Variants in UGT1A5 observed in about 807,000 individuals in gnomAD.
The protein encoded by UGT1A5 is UDP-glucuronosyltransferase 1A5.
Under a neutral mutation model 40.3 loss-of-function variants are expected in UGT1A5, and 29 were observed. That is an observed-to-expected ratio of 0.72 (90% CI 0.54 to 0.98). UGT1A5 has a LOEUF of 0.98. Among genes scored for constraint, UGT1A5 ranks in the 50% least tolerant of loss-of-function variants. The probability of loss-of-function intolerance (pLI) is 0.00; values close to 1 mark genes in which losing one functional copy is unlikely to be tolerated. For synonymous variants in UGT1A5, 257 were observed against 262.5 expected (o/e 0.98, Z 0.20); for missense variants, 678 against 677.9 (o/e 1.00, Z 0.00).
intron 1 of UGT1A5, among the ~76,000 whole-genome samples, chr2:233,744,958 A>C (rs996624362): frequency 2.6e-5 from 4 of 151,980 alleles, no homozygotes; most frequent in African/African-American, 4.9e-5. Context: ...ATAACCTACC[A>C]ATATCCTTCT....
At chr2:233,742,994 G>A in intron 1 of UGT1A5, 1 of 234,262 alleles carries the variant, frequency 4.3e-6, no homozygotes, top group South Asian at 6.0e-5. Flanking sequence ...ATAGCAAATT[G>A]CATACAGATA....
intron 1 of UGT1A5, among the ~76,000 whole-genome samples, chr2:233,724,625 A>C: frequency 7.3e-6 from 1 of 136,298 alleles, no homozygotes; most frequent in Non-Finnish European, 1.6e-5. Flanking sequence ...GACGCTCCTC[A>C]CTTCCTAGAT....
At position 233,713,557 on chromosome 2, in the gene UGT1A5, A is replaced by G. The variant is rs1233820517; in HGVS notation, c.566A>G (p.Asn189Ser). 4 of 1,613,816 alleles carry G rather than the reference A, an allele frequency of 2.5e-6. No individual in the cohort carries two copies. The highest frequency in any genetic ancestry group is 2.2e-5 in the East Asian group (1 of 44,890). ...DLDFKGTQCP[N>S]PSSYIPRLLT... ...GACTTTAAGGGCACACAGTGTCCAA[A>G]CCCTTCCTCCTATATTCCTAGATTA... Residue 189 changes from asparagine to serine, a missense_variant, in exon 1 of 5, where the codon AAC (asparagine) becomes AGC (serine). Transcript: ENST00000373414.
At chr2:233,748,812 T>C (rs1268165995) in intron 1 of UGT1A5, among the ~76,000 whole-genome samples, 2 of 151,274 alleles carry the variant, frequency 1.3e-5, no homozygotes. Context: ...CAAGAAATTG[T>C]GGAAGGGTCT....
At chr2:233,754,243 C>T (rs1695428431) in intron 1 of UGT1A5, 1 of 170,446 alleles carries the variant, frequency 5.9e-6, no homozygotes. Flanking sequence ...CTCACACTTT[C>T]CCAACGGAAA....
At chr2:233,772,069 T>A (rs2126064958) in intron 4 of UGT1A5, among the ~76,000 whole-genome samples, 193 bp from the exon 5 acceptor site, 1 of 152,274 alleles carries the variant, frequency 6.6e-6, no homozygotes, top group East Asian at 1.9e-4. Context: ...GCCATGCTTG[T>A]GCCACTACAC....
At chr2:233,760,294 G>A (rs1697387669) in intron 1 of UGT1A5, 1 of 1,613,420 alleles carries the variant, frequency 6.2e-7, no homozygotes, top group East Asian at 2.2e-5. Context: ...CGCCATGGCT[G>A]TGGAGTCCCA....
chr2:233,732,919 A>G (rs1421681108), intron 1 of UGT1A5, among the ~76,000 whole-genome samples: 1 of 151,874 alleles, frequency 6.6e-6, no homozygotes, highest in Non-Finnish European at 1.5e-5. Flanking sequence ...CATTTTCACG[A>G]TATTGATTCT....
chr2:233,727,417 C>T (rs2077614364), intron 1 of UGT1A5, among the ~76,000 whole-genome samples: 1 of 152,144 alleles, frequency 6.6e-6, no homozygotes, highest in Non-Finnish European at 1.5e-5. Flanking sequence ...TCCTCAGGGT[C>T]TGGGAGTCCC....
chr2:233,729,641 T>C (rs2077899258), intron 1 of UGT1A5: 1 of 1,613,944 alleles, frequency 6.2e-7, no homozygotes, highest in Non-Finnish European at 8.5e-7. Flanking sequence ...ACTGTGTTTT[T>C]TTTGAGGAAC....
Position 233,769,434 on chromosome 2 carries a change from T to C in UGT1A5, c.1307+995T>C, listed in dbSNP as rs999407687. 1.3e-5 allele frequency: 20 copies of C among 1,542,190 alleles called. No homozygotes were observed. Among genetic ancestry groups the C allele is most frequent in the Non-Finnish European group, 1.7e-5 (19 of 1,120,764 alleles). On this transcript the variant is annotated intron_variant, in intron 4 of 4. Coordinates refer to ENST00000373414, the MANE Select transcript of UGT1A5 (RefSeq NM_019078.2). This position sits in a 1 kb window ranked among gnomAD's most constrained non-coding sequence, Gnocchi z 4.4. ...GCGTTTGTGCATGTGGCTGTGCTCA[T>C]GTGTGGGTGCACACGTGTGCATTCA...
chr2:233,718,782 C>A (rs199517966), intron 1 of UGT1A5: 2 of 1,612,936 alleles, frequency 1.2e-6, no homozygotes, highest in East Asian at 2.2e-5. Flanking sequence ...GCAGGCACAG[C>A]GTGGGGTGGA....
intron 1 of UGT1A5, chr2:233,729,825 C>T (rs770263678): frequency 5.6e-6 from 9 of 1,613,784 alleles, no homozygotes; most frequent in African/African-American, 2.7e-5. Context: ...CTTATGCAAG[C>T]CTTGCCTCTG....
At chr2:233,721,562 G>T in intron 1 of UGT1A5, 1 of 161,272 alleles carries the variant, frequency 6.2e-6, no homozygotes, top group Non-Finnish European at 1.4e-5. Flanking sequence ...GTTTCTTCTG[G>T]GATATCTTTT....
intron 1 of UGT1A5, among the ~76,000 whole-genome samples, chr2:233,757,812 T>C (rs772268398): frequency 4.0e-5 from 6 of 151,794 alleles, no homozygotes; most frequent in Non-Finnish European, 8.8e-5. Flanking sequence ...TGAAAGGAGC[T>C]GGTAGTGTGT....
Position 233,747,455 on chromosome 2 carries a change from C to T in UGT1A5, c.868-19579C>T, listed in dbSNP as rs545965821. Reference sequence around the variant, plus strand: ...AATTTTTCACCCTGACAACCTATGCCATTTCATGGACCCAGGATGAATTTG... The same window carrying T: ...AATTTTTCACCCTGACAACCTATGCTATTTCATGGACCCAGGATGAATTTG... On this transcript the variant is annotated intron_variant, in intron 1 of 4. Coordinates refer to ENST00000373414, the MANE Select transcript of UGT1A5 (RefSeq NM_019078.2). 52 of 1,608,866 alleles carry T rather than the reference C, an allele frequency of 3.2e-5. 1 individual carries two copies. Among genetic ancestry groups the T allele is most frequent in the Admixed American group, 5.0e-5 (3 of 60,014 alleles).
intron 1 of UGT1A5, among the ~76,000 whole-genome samples, chr2:233,753,908 C>T (rs1252814204): frequency 6.6e-6 from 1 of 152,246 alleles, no homozygotes; most frequent in South Asian, 2.1e-4. Context: ...CTTCTTACAC[C>T]GATTTCAGCT....
At chr2:233,754,415 G>A (rs1208600112) in intron 1 of UGT1A5, 1 of 341,654 alleles carries the variant, frequency 2.9e-6, no homozygotes, top group Non-Finnish European at 5.7e-6. Context: ...CAACAATAAA[G>A]ACAGGCATTG....
At position 233,737,636 on chromosome 2, in the gene UGT1A5, C is replaced by T. The variant is rs531826913; in HGVS notation, c.867+23778C>T. ...AAATGCAGAAATCATCCATCTTCTGCGTCGATCATGCTGGGAGCTGCAGAT... is the reference window on the plus strand; with the variant it reads ...AAATGCAGAAATCATCCATCTTCTGTGTCGATCATGCTGGGAGCTGCAGAT... On this transcript the variant is annotated intron_variant, in intron 1 of 4. Coordinates refer to ENST00000373414, the MANE Select transcript of UGT1A5 (RefSeq NM_019078.2). Among the ~76,000 whole-genome samples the T allele has an allele frequency of 5.3e-5, 8 of 152,322 alleles. No individual in the cohort carries two copies. In the East Asian group the frequency reaches 5.8e-4, roughly 11 times the overall value.
Sources: allele counts gnomAD v4.1 joint callset (sites outside exome capture counted in the v4.1 genomes callset), GRCh38; gene constraint gnomAD v4.1.1; non-coding constraint Gnocchi (gnomAD v3.1); transcripts MANE v1.5; gene names NCBI Gene and HGNC (gene_info 2026-07-23, HGNC 2026-07-21).